VMP1: variants seen among roughly 807,000 people sequenced by gnomAD.
VMP1 encodes vacuole membrane protein 1, also known as ectopic P-granules autophagy protein 3 homolog.
Under a neutral mutation model 56.0 loss-of-function variants are expected in VMP1, and 11 were observed. The ratio of observed to expected loss-of-function variants is 0.20; its 90% confidence interval spans 0.12 to 0.32. The LOEUF is 0.32. VMP1 is among the 10% of genes least tolerant of loss of function. The pLI, the probability that VMP1 is intolerant of heterozygous loss-of-function variation, is 1.00. For missense variants in VMP1, 296 were observed against 490.3 expected (o/e 0.60, Z 3.74); for synonymous variants, 149 against 165.0 (o/e 0.90, Z 0.74).
intron 10 of VMP1, among the ~76,000 whole-genome samples, chr17:59,825,071 G>C (rs147483575): frequency 4.4e-4 from 58 of 132,888 alleles, no homozygotes; most frequent in Admixed American, 2.2e-3. Flanking sequence ...CATTATGTTA[G>C]TTGTGATTTT....
chr17:59,805,741 T>C (rs1046494926), intron 7 of VMP1, among the ~76,000 whole-genome samples: 2 of 151,978 alleles, frequency 1.3e-5, no homozygotes, highest in African/African-American at 4.8e-5. Flanking sequence ...ATCTTGTCTA[T>C]ACCATTTAAT....
intron 8 of VMP1, among the ~76,000 whole-genome samples, chr17:59,810,144 C>CT (rs2038005852): frequency 6.6e-6 from 1 of 151,808 alleles, no homozygotes; most frequent in Non-Finnish European, 1.5e-5. Flanking sequence ...ATCTTAAATC[C>CT]TTTTTTTGTG....
intron 10 of VMP1, among the ~76,000 whole-genome samples, chr17:59,836,140 A>G (rs1339419737): frequency 6.6e-6 from 1 of 151,424 alleles, no homozygotes; most frequent in Non-Finnish European, 1.5e-5. Context: ...TGCAGTATTC[A>G]CATTTATTAT....
At chr17:59,814,171 G>A (rs1157972591) in intron 9 of VMP1, among the ~76,000 whole-genome samples, 1 of 152,180 alleles carries the variant, frequency 6.6e-6, no homozygotes, top group Non-Finnish European at 1.5e-5. Flanking sequence ...GTAGAGATAG[G>A]GTTCACCATA....
chr17:59,805,070 C>CAAGTAAAAA (rs2037801117), intron 7 of VMP1, among the ~76,000 whole-genome samples: 1 of 152,106 alleles, frequency 6.6e-6, no homozygotes, highest in African/African-American at 2.4e-5. Flanking sequence ...ATTAAAAAGG[C>CAAGTAAAAA]ACTTTACTTG....
intron 7 of VMP1, among the ~76,000 whole-genome samples, chr17:59,797,014 T>A (rs1295055329): frequency 6.6e-6 from 1 of 152,058 alleles, no homozygotes; most frequent in African/African-American, 2.4e-5. Context: ...AACTCAAAAT[T>A]TCCTTCCTGT....
At chr17:59,743,478 A>T (rs1298028590) in intron 5 of VMP1, among the ~76,000 whole-genome samples, 1 of 151,678 alleles carries the variant, frequency 6.6e-6, no homozygotes, top group Non-Finnish European at 1.5e-5. Context: ...CTCTGTATGG[A>T]TGTACCACCC....
intron 7 of VMP1, among the ~76,000 whole-genome samples, chr17:59,805,342 AGTAAT>A (rs1203338150): frequency 8.5e-5 from 13 of 152,212 alleles, no homozygotes; most frequent in African/African-American, 2.7e-4. Context: ...CCTCTTTGTT[AGTAAT>A]GATCACTGTG....
Position 59,751,506 on chromosome 17 carries a change from C to G in VMP1, c.414+12559C>G, listed in dbSNP as rs568126594. Among the ~76,000 whole-genome samples the G allele has an allele frequency of 3.8e-4, 58 of 151,882 alleles. 2 individuals are homozygous for G. Among genetic ancestry groups the G allele is most frequent in the Non-Finnish European group, 1.5e-5 (1 of 67,956 alleles). ...CCTGTGATCCCAGCACTTTGGGAGGCTGCGGTGGGTGGATCACCTGAGGTC... is the reference window on the plus strand; with the variant it reads ...CCTGTGATCCCAGCACTTTGGGAGGGTGCGGTGGGTGGATCACCTGAGGTC... On this transcript the variant is annotated intron_variant, in intron 5 of 11. Transcript: ENST00000262291.
chr17:59,808,976 G>A (rs1463143755), intron 8 of VMP1, 100 bp downstream of exon 8: 2 of 943,440 alleles, frequency 2.1e-6, no homozygotes, highest in Non-Finnish European at 3.1e-6. Context: ...CACTTTTATT[G>A]GGTATGTAAT....
rs549208988 is a variant in VMP1 at position 59,711,201 on chromosome 17, T to C, written c.-27+3453T>C. ...TTTGTTATGTTAATTATCTATTATA[T>C]ATAGAGCCATTTCTCTAGTTATTTT... On this transcript the variant is annotated intron_variant, in intron 1 of 11. Transcript: ENST00000262291. 9.9e-5 allele frequency among the ~76,000 whole-genome samples: 15 copies of C among 152,244 alleles called. No homozygotes were observed. The South Asian group carries it at 2.9e-3, about 29-fold the overall frequency.
At chr17:59,824,291 G>A (rs12938273) in intron 10 of VMP1, among the ~76,000 whole-genome samples, 64,040 of 151,152 alleles carry the variant, frequency 0.42, 15,506 homozygotes, top group Non-Finnish European at 0.54. Context: ...TTTGGCTGGG[G>A]CCGGGCATGA....
chr17:59,757,528 A>T (rs1016399141), intron 5 of VMP1, among the ~76,000 whole-genome samples: 11 of 152,170 alleles, frequency 7.2e-5, no homozygotes, highest in Non-Finnish European at 1.6e-4. Flanking sequence ...AGTTTTTAAA[A>T]GATAAAATAT....
At chr17:59,754,727 C>T (rs1190219683) in intron 5 of VMP1, among the ~76,000 whole-genome samples, 1 of 152,128 alleles carries the variant, frequency 6.6e-6, no homozygotes, top group Admixed American at 6.6e-5. Context: ...TTGATGAAGG[C>T]ATGAAAGCTC....
In VMP1 at chr17:59,793,035, C is replaced by A. The variant is rs1440300868; in HGVS notation, c.715-15761C>A. Among the ~76,000 whole-genome samples, 30 of 107,444 alleles carry A rather than the reference C, an allele frequency of 2.8e-4. 11 individuals are homozygous for A. The highest frequency in any genetic ancestry group is 5.3e-4 in the Non-Finnish European group (23 of 43,680). The allele number at this position is 107,444 out of a possible 152,430, so 70.5% of individuals were successfully genotyped here. ...ACCTCCATCTCTTTTTTTTTTGAGG[C>A]GAGTTTTGCTCTTGTTGCCCAGACT... On this transcript the variant is annotated intron_variant, in intron 7 of 11. Transcript: ENST00000262291.
chr17:59,810,193 ACC>A (rs1568190595), intron 8 of VMP1, among the ~76,000 whole-genome samples: 1 of 151,736 alleles, frequency 6.6e-6, no homozygotes, highest in African/African-American at 2.4e-5. Context: ...TCCCTCTGTC[ACC>A]CAGGCTGGAG....
intron 6 of VMP1, among the ~76,000 whole-genome samples, chr17:59,773,402 AT>A (rs34893138): frequency 1.1e-3 from 162 of 146,552 alleles, no homozygotes; most frequent in African/African-American, 2.0e-3. Context: ...TTGTCTCAAG[AT>A]TTTTTTTTTT....
chr17:59,762,914 T>C (rs79009339), intron 5 of VMP1, among the ~76,000 whole-genome samples: 16 of 152,208 alleles, frequency 1.1e-4, no homozygotes, highest in Admixed American at 2.6e-4. Flanking sequence ...AATGCAAATA[T>C]AGCTTTTTCT....
At chr17:59,815,873 A>AG (rs2038212985) in intron 9 of VMP1, among the ~76,000 whole-genome samples, 1 of 145,044 alleles carries the variant, frequency 6.9e-6, no homozygotes, top group Admixed American at 6.9e-5. Flanking sequence ...AAAAAAAAAA[A>AG]AAAGATTCTT....
Sources: allele counts gnomAD v4.1 joint callset (sites outside exome capture counted in the v4.1 genomes callset), GRCh38; gene constraint gnomAD v4.1.1; transcripts MANE v1.5; gene names NCBI Gene and HGNC (gene_info 2026-07-23, HGNC 2026-07-21).